Variants in ESRRB observed in about 807,000 individuals in gnomAD.
ESRRB encodes steroid hormone receptor ERR2.
Under a neutral mutation model 46.0 loss-of-function variants are expected in ESRRB, and 16 were observed. The observed-to-expected ratio is 0.35, with a 90% CI of 0.24 to 0.53. The LOEUF (loss-of-function observed/expected upper bound fraction) is 0.53. Among genes scored for constraint, ESRRB ranks in the 20% least tolerant of loss-of-function variants. The pLI, the probability that ESRRB is intolerant of heterozygous loss-of-function variation, is 0.93. For missense variants in ESRRB, 488 were observed against 607.4 expected (o/e 0.80, Z 2.07); for synonymous variants, 246 against 259.6 (o/e 0.95, Z 0.50).
At chr14:76,398,222 G>C (rs1024506904) in intron 1 of ESRRB, among the ~76,000 whole-genome samples, 2 of 152,168 alleles carry the variant, frequency 1.3e-5, no homozygotes, top group Non-Finnish European at 2.9e-5. Flanking sequence ...TGCAAAGTAG[G>C]CACTTGCATT....
At chr14:76,395,539 G>A (rs563380093) in intron 1 of ESRRB, among the ~76,000 whole-genome samples, 1 of 152,122 alleles carries the variant, frequency 6.6e-6, no homozygotes, top group Non-Finnish European at 1.5e-5. Flanking sequence ...CCCTTGGTGT[G>A]TACCCTGGGG....
chr14:76,419,365 G>T (rs980704308), intron 1 of ESRRB, among the ~76,000 whole-genome samples: 3 of 152,148 alleles, frequency 2.0e-5, no homozygotes, highest in Non-Finnish European at 4.4e-5. Flanking sequence ...AATCAAGGGT[G>T]GGGGACACGG....
intron 1 of ESRRB, among the ~76,000 whole-genome samples, chr14:76,356,334 T>A (rs1884378257): frequency 6.6e-6 from 1 of 152,166 alleles, no homozygotes; most frequent in South Asian, 2.1e-4. Context: ...GTCTAAGTGT[T>A]TTCTCCTATG....
chr14:76,404,844 G>A (rs1886107292), intron 1 of ESRRB, among the ~76,000 whole-genome samples: 1 of 152,112 alleles, frequency 6.6e-6, no homozygotes, highest in Non-Finnish European at 1.5e-5. Flanking sequence ...ATTTTGTTGT[G>A]GGCAGTAAAC....
At chr14:76,415,427 C>T (rs7148956) in intron 1 of ESRRB, among the ~76,000 whole-genome samples, 247 of 152,152 alleles carry the variant, frequency 1.6e-3, no homozygotes, top group African/African-American at 5.8e-3. Context: ...TTTGGGAGGC[C>T]GAGACGGGCA....
At chr14:76,322,041 C>T (rs939836896) in intron 1 of ESRRB, among the ~76,000 whole-genome samples, 3 of 152,144 alleles carry the variant, frequency 2.0e-5, no homozygotes, top group Non-Finnish European at 4.4e-5. Context: ...CAGGCAACCA[C>T]GTGAATACCC....
At chr14:76,422,787 A>G (rs566687349) in intron 1 of ESRRB, among the ~76,000 whole-genome samples, 113 of 152,326 alleles carry the variant, frequency 7.4e-4, no homozygotes, top group African/African-American at 2.5e-3. Context: ...ACAGCGAGTC[A>G]GTGACAGGCC....
At chr14:76,330,095 G>C (rs924416102) in intron 1 of ESRRB, among the ~76,000 whole-genome samples, 28 of 152,058 alleles carry the variant, frequency 1.8e-4, no homozygotes, top group Non-Finnish European at 2.6e-4. Flanking sequence ...CCTCCTTGCC[G>C]GCCAGCAGGG....
intron 3 of ESRRB, among the ~76,000 whole-genome samples, chr14:76,481,040 A>C (rs1889786329): frequency 6.6e-6 from 1 of 152,248 alleles, no homozygotes. Context: ...GAAGAGCCAC[A>C]GCAAGAAGGC....
At chr14:76,442,314 A>G (rs1192002164) in intron 2 of ESRRB, among the ~76,000 whole-genome samples, 1 of 152,138 alleles carries the variant, frequency 6.6e-6, no homozygotes, top group East Asian at 1.9e-4. Context: ...TGTCTCTACT[A>G]AAAATACAAG....
At chr14:76,425,163 C>T (rs980504532) in intron 1 of ESRRB, among the ~76,000 whole-genome samples, 9 of 152,112 alleles carry the variant, frequency 5.9e-5, no homozygotes, top group Non-Finnish European at 8.8e-5. Context: ...AGCTGCCTTC[C>T]GCAGTCTGGA....
chr14:76,346,590 T>C (rs1477342306), intron 1 of ESRRB, among the ~76,000 whole-genome samples: 3 of 152,184 alleles, frequency 2.0e-5, no homozygotes, highest in Admixed American at 6.5e-5. Flanking sequence ...AGCCTGGATT[T>C]CTGGCTGGGA....
At chr14:76,382,005 C>T (rs1311737449) in intron 1 of ESRRB, among the ~76,000 whole-genome samples, 1 of 152,196 alleles carries the variant, frequency 6.6e-6, no homozygotes, top group African/African-American at 2.4e-5. Context: ...AGGGTCCTAA[C>T]AGGACCTTTC....
chr14:76,459,647 T>C (rs11848676), intron 2 of ESRRB, among the ~76,000 whole-genome samples: 66,440 of 152,006 alleles, frequency 0.44, 17,743 homozygotes, highest in African/African-American at 0.76. Context: ...TATGTGTTTT[T>C]CTCCTTTCTG....
chr14:76,478,487 C>T (rs149781415), intron 3 of ESRRB, among the ~76,000 whole-genome samples: 9 of 151,942 alleles, frequency 5.9e-5, no homozygotes, highest in Non-Finnish European at 8.8e-5. Context: ...AGCTGCTTGC[C>T]GGGAAGCAGG....
intron 2 of ESRRB, among the ~76,000 whole-genome samples, chr14:76,460,709 A>ATTTTTTTTTTTTTTTTTTTTTT (rs58597850): frequency 2.1e-5 from 3 of 141,558 alleles, no homozygotes; most frequent in African/African-American, 5.8e-5. Flanking sequence ...TTCCAGTTAC[A>ATTTTTTTTTTTTTTTTTTTTTT]TTTTTTTTTG....
intron 1 of ESRRB, among the ~76,000 whole-genome samples, chr14:76,363,515 T>C (rs141980903): frequency 6.6e-6 from 1 of 152,354 alleles, no homozygotes; most frequent in African/African-American, 2.4e-5. Context: ...ATAAAATCAA[T>C]TGGTTTCTTC....
Position 76,435,627 on chromosome 14 carries a change from C to T in ESRRB, c.51-3714C>T, listed in dbSNP as rs138833199. ...GGCGGATCACCTGAAGTCAGGAGTTCGAGACCAGCCTGGCCAACAGGGTGA... is the reference window on the plus strand; with the variant it reads ...GGCGGATCACCTGAAGTCAGGAGTTTGAGACCAGCCTGGCCAACAGGGTGA... On this transcript the variant is annotated intron_variant, in intron 1 of 6. Transcript: ENST00000644823. Among the ~76,000 whole-genome samples, 686 of 152,280 alleles carry T rather than the reference C, an allele frequency of 4.5e-3. 4 individuals carry two copies. Among genetic ancestry groups the T allele is most frequent in the African/African-American group, 0.016 (662 of 41,552 alleles).
chr14:76,403,317 C>G (rs1179173663), intron 1 of ESRRB, among the ~76,000 whole-genome samples: 3 of 152,204 alleles, frequency 2.0e-5, no homozygotes, highest in Non-Finnish European at 4.4e-5. Context: ...ATGCCCTTAA[C>G]CACTCTACCC....
Sources: allele counts gnomAD v4.1 joint callset (sites outside exome capture counted in the v4.1 genomes callset), GRCh38; gene constraint gnomAD v4.1.1; transcripts MANE v1.5; gene names NCBI Gene and HGNC (gene_info 2026-07-23, HGNC 2026-07-21).